Variants in FMN1 observed in about 807,000 individuals in gnomAD.
FMN1 encodes the protein formin 1, also known as formin-1.
In FMN1, 110 loss-of-function variants were observed where a neutral mutation model predicts 132.4. That is an observed-to-expected ratio of 0.83 (90% CI 0.71 to 0.97). The LOEUF is 0.97. FMN1 is among the 50% of genes least tolerant of loss of function. The pLI is 0.00. For missense variants in FMN1, 1,792 were observed against 1,705.3 expected (o/e 1.05, Z -0.90); for synonymous variants, 722 against 651.7 (o/e 1.11, Z -1.64).
intron 4 of FMN1, among the ~76,000 whole-genome samples, chr15:33,113,434 G>T (rs1045508556): frequency 2.6e-5 from 4 of 151,836 alleles, no homozygotes; most frequent in Admixed American, 1.3e-4. Context: ...AATTTTTGTT[G>T]TTGTCTTATA....
intron 9 of FMN1, among the ~76,000 whole-genome samples, chr15:32,945,264 G>A (rs190283668): frequency 8.5e-5 from 13 of 152,168 alleles, no homozygotes; most frequent in Admixed American, 4.6e-4. Flanking sequence ...GATTTCCAGA[G>A]GTTTTTCCCA....
intron 9 of FMN1, among the ~76,000 whole-genome samples, chr15:32,931,970 T>A (rs2061129845): frequency 6.6e-6 from 1 of 152,246 alleles, no homozygotes; most frequent in South Asian, 2.1e-4. Context: ...TCTGCATCTA[T>A]CAAAATATTT....
At chr15:32,917,957 A>T (rs939380889) in intron 10 of FMN1, among the ~76,000 whole-genome samples, 2 of 152,222 alleles carry the variant, frequency 1.3e-5, no homozygotes, top group Non-Finnish European at 2.9e-5. Flanking sequence ...TTCCACCATT[A>T]TTTAATTCAT....
intron 17 of FMN1, among the ~76,000 whole-genome samples, chr15:32,839,821 A>G (rs1047209410): frequency 1.3e-5 from 2 of 151,960 alleles, no homozygotes; most frequent in African/African-American, 4.8e-5. Context: ...AATGGCAGCA[A>G]CTTAGTCATG....
intron 7 of FMN1, among the ~76,000 whole-genome samples, chr15:33,007,196 G>A (rs991930886): frequency 1.2e-4 from 18 of 151,752 alleles, no homozygotes; most frequent in Non-Finnish European, 1.6e-4. Flanking sequence ...ATTTCTATTC[G>A]CAAACTAACA....
chr15:32,851,084 CA>C (rs147231214), intron 17 of FMN1, among the ~76,000 whole-genome samples: 1 of 151,214 alleles, frequency 6.6e-6, no homozygotes, highest in Non-Finnish European at 1.5e-5. Flanking sequence ...CAAAACAAAA[CA>C]AAAAAAACAG....
intron 5 of FMN1, among the ~76,000 whole-genome samples, chr15:33,069,547 G>A (rs923139685): frequency 1.3e-5 from 2 of 152,166 alleles, no homozygotes; most frequent in African/African-American, 4.8e-5. Flanking sequence ...CTGCAGGAGT[G>A]GGTGGCTGCA....
chr15:32,805,982 G>A (rs1429325069), intron 17 of FMN1, among the ~76,000 whole-genome samples: 1 of 152,036 alleles, frequency 6.6e-6, no homozygotes, highest in Non-Finnish European at 1.5e-5. Context: ...TTTTGGGGTG[G>A]TTCTTTTATA....
intron 20 of FMN1, 120 bp downstream of exon 20, chr15:32,776,715 C>G: frequency 2.0e-6 from 1 of 499,402 alleles, no homozygotes. Context: ...TAACCATATG[C>G]TACTCTGGGA....
intron 6 of FMN1, among the ~76,000 whole-genome samples, chr15:33,023,566 G>C (rs1360458537): frequency 6.6e-6 from 1 of 152,138 alleles, no homozygotes; most frequent in Non-Finnish European, 1.5e-5. Context: ...AACAGACATT[G>C]AAATAAAAGG....
chr15:33,078,305 A>AG (rs1416636370), intron 5 of FMN1, among the ~76,000 whole-genome samples: 2 of 152,208 alleles, frequency 1.3e-5, no homozygotes, highest in African/African-American at 4.8e-5. Flanking sequence ...ATTATTATGG[A>AG]GCATGTGCAG....
rs1964523556 is a variant in FMN1, at chr15:33,153,274, C to T, written c.1641G>A (p.Arg547=). ...ILRLPALPGE[R]EAALNDSPCR... ...AAGGAGAGTCATTAAGAGCAGCTTC[C>T]CTCTCACCAGGCAATGCAGGGAGCC... The change falls in exon 4 of 21, where the codon AGG becomes AGA. Residue 547 remains arginine (R), a synonymous_variant. Transcript: ENST00000616417. The T allele has an allele frequency of 2.0e-6, 3 of 1,536,168 alleles. No homozygotes were observed. The highest frequency in any genetic ancestry group is 2.6e-6 in the Non-Finnish European group (3 of 1,146,922).
chr15:33,139,455 T>C (rs36052721), intron 4 of FMN1, among the ~76,000 whole-genome samples: 66,766 of 151,904 alleles, frequency 0.44, 15,905 homozygotes, highest in South Asian at 0.55. Flanking sequence ...AATTAGCCGG[T>C]GTAGACACAC....
In FMN1 at chr15:32,772,080, A is replaced by T. The variant is rs940676173; in HGVS notation, c.*2230T>A. On this transcript the variant is annotated 3_prime_UTR_variant, in exon 21 of 21. Coordinates refer to ENST00000616417, the MANE Select transcript of FMN1 (RefSeq NM_001277313.2). ...GGCAGGCAAACCTTGCTTTGTAGAA[A>T]TAGGTATTTTACTGCAAAGTTTTAG... 1.3e-5 allele frequency: 2 copies of T among 152,220 alleles called. No homozygotes were observed. Among genetic ancestry groups the T allele is most frequent in the Non-Finnish European group, 2.9e-5 (2 of 68,040 alleles). 9.4% of individuals were successfully genotyped at this position (152,220 alleles called of 1,614,324 possible). A position where few individuals can be genotyped will look rare whatever the true frequency, so the allele number is the denominator to read the frequency against.
rs34180001 is a variant in FMN1 at position 33,088,672 on chromosome 15, AT to A, written c.2043+126del. ...CATCTTCATTTTCTGCAGCCCACTG[AT>A]TTTTTTTAAACAATGATCCATACAT... On this transcript the variant is annotated intron_variant, in intron 5 of 20. Coordinates refer to ENST00000616417, the MANE Select transcript of FMN1 (RefSeq NM_001277313.2). The A allele has an allele frequency of 3.6e-3, 3,138 of 861,308 alleles. 60 individuals are homozygous for A. The African/African-American group carries it at 0.049, about 13-fold the overall frequency. The allele number at this position is 861,308 out of a possible 1,614,324, so 53.4% of individuals were successfully genotyped here. A position where few individuals can be genotyped will look rare whatever the true frequency, so the allele number is the denominator to read the frequency against.
chr15:32,816,028 G>A (rs887077880), intron 17 of FMN1, among the ~76,000 whole-genome samples: 5 of 152,142 alleles, frequency 3.3e-5, no homozygotes, highest in African/African-American at 1.2e-4. Context: ...TAAGGTGCTC[G>A]GCCATGGCAC....
intron 9 of FMN1, among the ~76,000 whole-genome samples, chr15:32,931,584 TCA>T (rs2061119163): frequency 6.6e-6 from 1 of 152,210 alleles, no homozygotes; most frequent in Admixed American, 6.5e-5. Flanking sequence ...TCATAGTTCT[TCA>T]CAGTTTGCTT....
intron 7 of FMN1, among the ~76,000 whole-genome samples, chr15:32,980,411 A>C (rs546333632): frequency 1.3e-5 from 2 of 151,824 alleles, no homozygotes; most frequent in Admixed American, 6.6e-5. Flanking sequence ...TCTGGGTTTT[A>C]TTTTCTTTAC....
At chr15:32,889,307 C>G (rs1055149587) in intron 15 of FMN1, among the ~76,000 whole-genome samples, 18 of 152,118 alleles carry the variant, frequency 1.2e-4, no homozygotes, top group African/African-American at 4.3e-4. Context: ...GTCTAGCTAG[C>G]TTTCTCCCTG....
Sources: allele counts gnomAD v4.1 joint callset (sites outside exome capture counted in the v4.1 genomes callset), GRCh38; gene constraint gnomAD v4.1.1; transcripts MANE v1.5; gene names NCBI Gene and HGNC (gene_info 2026-07-23, HGNC 2026-07-21).